The following ZNF564 variants were observed in gnomAD, a reference collection of about 807,000 sequenced individuals.
The protein encoded by ZNF564 is zinc finger protein 564.
Under a neutral mutation model 10.5 loss-of-function variants are expected in ZNF564, and 5 were observed. That is an observed-to-expected ratio of 0.48 (90% CI 0.25 to 1.00). The LOEUF is 1.00. ZNF564 is among the 50% of genes least tolerant of loss of function. The pLI is 0.16. For synonymous variants in ZNF564, 242 were observed against 218.1 expected, an observed-to-expected ratio of 1.11 and a Z score of -0.97; for missense variants, 603 against 669.7, an observed-to-expected ratio of 0.90 and a Z score of 1.10.
intron 1 of ZNF564, among the ~76,000 whole-genome samples, chr19:12,541,763 C>G (rs186591347): frequency 6.6e-6 from 1 of 151,988 alleles, no homozygotes; most frequent in Non-Finnish European, 1.5e-5. Flanking sequence ...CGCCTGTAAT[C>G]CCAGCACTTT....
In ZNF564 at chr19:12,527,215, C is replaced by T. The variant is rs1457969926; in HGVS notation, c.893G>A (p.Ser298Asn). 1 of 1,614,126 alleles carries T rather than the reference C, an allele frequency of 6.2e-7. No homozygotes were observed. The highest frequency in any genetic ancestry group is 1.7e-5 in the Admixed American group (1 of 60,008). The change falls in exon 4 of 4, where the codon AGT becomes AAT. Residue 298 changes from serine (S) to asparagine (N), a missense_variant. By Grantham distance (46) the Ser-to-Asn change is conservative. Coordinates refer to ENST00000339282, the MANE Select transcript of ZNF564 (RefSeq NM_144976.4). ...KAFISFTNFQ[S>N]HMIRHTGDGP... ...ATCCCCAGTGTGCCTAATCATATGACTTTGAAAATTTGTGAAAGAAATGAA... is the reference window on the plus strand; with the variant it reads ...ATCCCCAGTGTGCCTAATCATATGATTTTGAAAATTTGTGAAAGAAATGAA...
chr19:12,548,911 T>C lies in ZNF564; in HGVS notation c.3+2419A>G, dbSNP rs893455801. 6 of 701,154 alleles carry C rather than the reference T, an allele frequency of 8.6e-6. No individual in the cohort carries two copies. The East Asian group carries it at 1.6e-4, about 19-fold the overall frequency. 43.4% of individuals were successfully genotyped at this position (701,154 alleles called of 1,614,324 possible). On this transcript the variant is annotated intron_variant, in intron 1 of 3. Transcript: ENST00000339282. ...AGAATCTCTGTATTTCACCAATTAA[T>C]GTGGAAATGTATTCGTTTCTCTGTA...
chr19:12,548,778 T>C (rs1467384045), intron 1 of ZNF564: 1 of 701,666 alleles, frequency 1.4e-6, no homozygotes, highest in Admixed American at 2.0e-5. Context: ...TATTTCAAAG[T>C]CCCATCTGAT....
intron 1 of ZNF564, among the ~76,000 whole-genome samples, chr19:12,529,577 G>C (rs975241376): frequency 3.3e-5 from 5 of 149,624 alleles, no homozygotes; most frequent in Non-Finnish European, 7.4e-5. Flanking sequence ...TTGCACTCCA[G>C]CCTGGAGGAC....
intron 1 of ZNF564, among the ~76,000 whole-genome samples, chr19:12,530,969 G>A (rs913957995): frequency 2.6e-5 from 4 of 151,994 alleles, no homozygotes; most frequent in Non-Finnish European, 5.9e-5. Flanking sequence ...GTCTTACTTT[G>A]TTGCTCAAGC....
chr19:12,528,038 G>T, intron 3 of ZNF564, 122 bp from the exon 4 acceptor site: 1 of 1,108,860 alleles, frequency 9.0e-7, no homozygotes, highest in Non-Finnish European at 1.3e-6. Flanking sequence ...TGAATTGTTT[G>T]AAAGTGAATG....
At chr19:12,543,128 T>C (rs933974946) in intron 1 of ZNF564, among the ~76,000 whole-genome samples, 8 of 150,304 alleles carry the variant, frequency 5.3e-5, no homozygotes, top group Non-Finnish European at 1.0e-4. Context: ...CAGTGAAACC[T>C]TGTCTTTGTA....
At chr19:12,542,014 CAAAAAA>C (rs74180077) in intron 1 of ZNF564, among the ~76,000 whole-genome samples, 5 of 56,266 alleles carry the variant, frequency 8.9e-5, no homozygotes, top group African/African-American at 3.4e-4. Flanking sequence ...AGACTCTGTC[CAAAAAA>C]AAAAAAAAAA....
Position 12,527,580 on chromosome 19 carries a change from T to C in ZNF564, c.528A>G (p.Lys176=). 1 of 1,614,204 alleles carries C rather than the reference T, an allele frequency of 6.2e-7. No individual in the cohort carries two copies. Among genetic ancestry groups the C allele is most frequent in the Non-Finnish European group, 8.5e-7 (1 of 1,180,026 alleles). The part of the protein sequence containing the change: ...EKPYACPECG[K]AFISLPSVRR... ...GAACACTTGGGAGAGAAATGAAGGC[T>C]TTCCCACATTCCGGACATGCATAGG... is the stretch of plus-strand genomic sequence containing the variant. Residue 176 remains lysine (K), a synonymous_variant, in exon 4 of 4, where the codon AAA becomes AAG. Coordinates refer to ENST00000339282, the MANE Select transcript of ZNF564 (RefSeq NM_144976.4).
chr19:12,535,335 T>TGTG (rs1474880120), intron 1 of ZNF564, among the ~76,000 whole-genome samples: 2 of 152,076 alleles, frequency 1.3e-5, no homozygotes, highest in African/African-American at 4.8e-5. Context: ...ATCACATCAC[T>TGTG]GCACTCCAGC....
rs554253671 is a variant in ZNF564, at chr19:12,535,216, T to TA, written c.4-6521dup. 1.1e-3 allele frequency among the ~76,000 whole-genome samples: 168 copies of TA among 151,600 alleles called. 2 individuals carry two copies. In the South Asian group the frequency reaches 0.012, roughly 11 times the overall value. ...GGTGAAACCTCATCTCTACTAAAAA[T>TA]AAAAAAATCAGCCGGGCATGGTGGC... On this transcript the variant is annotated intron_variant, in intron 1 of 3. Coordinates refer to ENST00000339282, the MANE Select transcript of ZNF564 (RefSeq NM_144976.4).
chr19:12,540,590 C>T (rs1258741360), intron 1 of ZNF564, among the ~76,000 whole-genome samples: 1 of 152,124 alleles, frequency 6.6e-6, no homozygotes, highest in East Asian at 1.9e-4. Context: ...TGTGGTAGCT[C>T]ATGCCTGTAA....
intron 1 of ZNF564, among the ~76,000 whole-genome samples, chr19:12,535,227 G>A (rs2021885861): frequency 1.3e-5 from 2 of 151,954 alleles, no homozygotes; most frequent in African/African-American, 4.8e-5. Context: ...AAAAAAATCA[G>A]CCGGGCATGG....
At chr19:12,536,468 C>CACCT (rs2021916016) in intron 1 of ZNF564, among the ~76,000 whole-genome samples, 1 of 152,168 alleles carries the variant, frequency 6.6e-6, no homozygotes, top group African/African-American at 2.4e-5. Context: ...TAAGCCACCA[C>CACCT]GCCTGGCCCA....
At chr19:12,538,556 C>T (rs1020135552) in intron 1 of ZNF564, among the ~76,000 whole-genome samples, 62 of 151,750 alleles carry the variant, frequency 4.1e-4, no homozygotes, top group Non-Finnish European at 7.5e-4. Context: ...ACCCAGGAGG[C>T]GGAGGTTGCA....
At chr19:12,536,481 T>A (rs960975254) in intron 1 of ZNF564, among the ~76,000 whole-genome samples, 2 of 152,168 alleles carry the variant, frequency 1.3e-5, no homozygotes, top group Admixed American at 6.6e-5. Flanking sequence ...CTGGCCCATA[T>A]CATATTTCAT....
At chr19:12,543,826 G>A (rs551318048) in intron 1 of ZNF564, among the ~76,000 whole-genome samples, 12 of 152,174 alleles carry the variant, frequency 7.9e-5, no homozygotes, top group South Asian at 6.2e-4. Context: ...TCCTAATGTC[G>A]TTGCATTAGG....
At chr19:12,550,421 G>A (rs760297685) in intron 1 of ZNF564, 5 of 171,164 alleles carry the variant, frequency 2.9e-5, no homozygotes, top group African/African-American at 9.7e-5. Context: ...TTTGGGAGGC[G>A]GAGGTGAGCG....
At position 12,526,995 on chromosome 19, in the gene ZNF564, C is replaced by G. The variant is rs760549033; in HGVS notation, c.1113G>C (p.Gly371=). The G allele has an allele frequency of 6.2e-7, 1 of 1,613,330 alleles. No individual in the cohort carries two copies. The highest frequency in any genetic ancestry group is 8.5e-7 in the Non-Finnish European group (1 of 1,179,810). The part of the protein sequence containing the change: ...GEKPYECKEC[G]KAFISLPSVR... The stretch of plus-strand genomic sequence containing the variant: ...CACTTGGGAGAGAAATGAAGGCTTT[C>G]CCGCATTCCTTACATTCATAGGGCT... The change falls in exon 4 of 4, where the codon GGG becomes GGC. Residue 371 remains glycine, a synonymous_variant. Transcript: ENST00000339282.
Sources: allele counts gnomAD v4.1 joint callset (sites outside exome capture counted in the v4.1 genomes callset), GRCh38; gene constraint gnomAD v4.1.1; transcripts MANE v1.5; gene names NCBI Gene and HGNC (gene_info 2026-07-23, HGNC 2026-07-21).